PCLO: variants seen among roughly 807,000 people sequenced by gnomAD.
The protein encoded by PCLO is piccolo presynaptic cytomatrix protein, also known as protein piccolo.
Under a neutral mutation model 427.5 loss-of-function variants are expected in PCLO, and 82 were observed. The ratio of observed to expected loss-of-function variants is 0.19; its 90% CI spans 0.16 to 0.23. The LOEUF is 0.23. Ranked by LOEUF, PCLO falls within the 10% of genes least tolerant of loss-of-function variation. PCLO has a pLI of 1.00. For synonymous variants in PCLO, 2,357 were observed against 2,155.4 expected, an observed-to-expected ratio of 1.09 and a Z score of -2.59; for missense variants, 6,239 against 6,115.9, an observed-to-expected ratio of 1.02 and a Z score of -0.67.
At chr7:83,019,282 C>T (rs375540325) in intron 3 of PCLO, among the ~76,000 whole-genome samples, 19 of 151,664 alleles carry the variant, frequency 1.3e-4, no homozygotes, top group Non-Finnish European at 2.4e-4. Flanking sequence ...AAATCTTTTG[C>T]GGGGTAGAGT....
intron 2 of PCLO, among the ~76,000 whole-genome samples, chr7:83,153,175 T>C (rs1162461869): frequency 6.7e-6 from 1 of 150,170 alleles, no homozygotes; most frequent in Non-Finnish European, 1.5e-5. Context: ...TATATGTATA[T>C]ATAAAAACAT....
chr7:82,827,048 CA>C, intron 17 of PCLO, among the ~76,000 whole-genome samples: 1 of 151,958 alleles, frequency 6.6e-6, no homozygotes, highest in East Asian at 1.9e-4. Context: ...CAGCAATTTC[CA>C]AAAAACTTAG....
chr7:83,028,193 T>C (rs949824500), intron 3 of PCLO, among the ~76,000 whole-genome samples: 2 of 152,066 alleles, frequency 1.3e-5, no homozygotes, highest in Non-Finnish European at 2.9e-5. Context: ...GACATGATTG[T>C]ATATCTAGAA....
At chr7:82,801,958 A>G (rs886333111) in intron 21 of PCLO, among the ~76,000 whole-genome samples, 1 of 152,058 alleles carries the variant, frequency 6.6e-6, no homozygotes, top group African/African-American at 2.4e-5. Flanking sequence ...AAGGGGCTTT[A>G]TATTTTTATA....
At chr7:83,159,581 C>T (rs1792383331) in intron 1 of PCLO, among the ~76,000 whole-genome samples, 1 of 151,886 alleles carries the variant, frequency 6.6e-6, no homozygotes, top group Non-Finnish European at 1.5e-5. Context: ...CTATTGTCAT[C>T]CTTGGATTAG....
At chr7:83,089,666 T>A (rs1319697306) in intron 3 of PCLO, among the ~76,000 whole-genome samples, 1 of 152,168 alleles carries the variant, frequency 6.6e-6, no homozygotes, top group Non-Finnish European at 1.5e-5. Context: ...AAAGAAGAAT[T>A]TGATATGGTT....
rs765266601 is a variant in PCLO at position 83,134,874 on chromosome 7, A to C, written c.2676T>G (p.Pro892=). The C allele has an allele frequency of 6.2e-6, 10 of 1,605,760 alleles. No individual in the cohort carries two copies. The African/African-American group carries it at 1.3e-4, about 22-fold the overall frequency. Residue 892 remains proline (P), a synonymous_variant, in exon 3 of 25, where the codon CCT becomes CCG. Coordinates refer to ENST00000333891, the MANE Select transcript of PCLO (RefSeq NM_033026.6). ...RPTAGQTVPT[P]QQSPKPQEQS... is the part of the protein sequence containing the mutation. ...GCTCCTGAGGCTTTGGGGACTGTTG[A>C]GGTGTGGGGACAGTTTGGCCAGCGG... is the stretch of plus-strand genomic sequence containing the variant.
chr7:83,010,735 T>C (rs1788057281), intron 3 of PCLO, among the ~76,000 whole-genome samples: 1 of 151,844 alleles, frequency 6.6e-6, no homozygotes, highest in African/African-American at 2.4e-5. Context: ...ATCACCTTAG[T>C]GATATTTCCA....
At chr7:83,125,309 G>C (rs911589183) in intron 3 of PCLO, among the ~76,000 whole-genome samples, 11 of 152,034 alleles carry the variant, frequency 7.2e-5, no homozygotes, top group Non-Finnish European at 1.3e-4. Flanking sequence ...TCTGGAAGGT[G>C]GGGGGCACCC....
chr7:82,956,662 T>C lies in PCLO; in HGVS notation c.4291A>G (p.Lys1431Glu), dbSNP rs755205600. Residue 1431 changes from lysine (K) to glutamate (E), a missense_variant, in exon 5 of 25, where the codon AAG becomes GAG. Transcript: ENST00000333891. Reference protein sequence around the residue: ...EAQASTLADEKSEKKTQPHEV... With the variant: ...EAQASTLADEESEKKTQPHEV... ...TGGGGTTGTGTTTTCTTTTCTGACT[T>C]TTCATCAGCAAGTGTACTTGCTTGA... The C allele has an allele frequency of 1.9e-6, 3 of 1,613,928 alleles. No individual in the cohort carries two copies. The Admixed American group carries it at 5.0e-5, about 27-fold the overall frequency.
chr7:82,768,532 T>A (rs62466888), intron 22 of PCLO, among the ~76,000 whole-genome samples: 2,544 of 152,262 alleles, frequency 0.017, 34 homozygotes, highest in Middle Eastern at 0.034. Flanking sequence ...CTAAAATATT[T>A]ATTGAAATTA....
intron 3 of PCLO, among the ~76,000 whole-genome samples, chr7:82,981,704 A>G (rs1796150178): frequency 6.6e-6 from 1 of 152,116 alleles, no homozygotes; most frequent in Admixed American, 6.6e-5. Context: ...ATGTGCCTAT[A>G]CTTAAAAAAA....
At chr7:82,776,436 T>C (rs1027320659) in intron 22 of PCLO, among the ~76,000 whole-genome samples, 2 of 151,326 alleles carry the variant, frequency 1.3e-5, no homozygotes, top group Admixed American at 6.6e-5. Flanking sequence ...CTACTAAAAA[T>C]ACAAAAATTG....
At chr7:83,073,175 T>G (rs904387177) in intron 3 of PCLO, among the ~76,000 whole-genome samples, 1 of 152,018 alleles carries the variant, frequency 6.6e-6, no homozygotes, top group Non-Finnish European at 1.5e-5. Context: ...CATTCTCACC[T>G]ATAGTATATA....
Position 82,915,737 on chromosome 7 carries a change from A to C in PCLO, c.12249T>G (p.Thr4083=), listed in dbSNP as rs771012377. 8 of 1,612,052 alleles carry C rather than the reference A, an allele frequency of 5.0e-6. No homozygotes were observed. The highest frequency in any genetic ancestry group is 5.9e-6 in the Non-Finnish European group (7 of 1,179,026). ...LSKTDRLLRT[T]ETRRSQEVTD... ...TCACTTCTTGAGACCGGCGTGTCTC[A>C]GTGGTTCGAAGGAGACGGTCTGTTT... Residue 4083 remains threonine, a synonymous_variant, in exon 7 of 25, where the codon ACT becomes ACG. Transcript: ENST00000333891.
At chr7:82,891,324 C>T (rs1793759983) in intron 9 of PCLO, among the ~76,000 whole-genome samples, 1 of 152,034 alleles carries the variant, frequency 6.6e-6, no homozygotes, top group African/African-American at 2.4e-5. Context: ...GCAATGAAGG[C>T]AAGGAGAGGT....
intron 3 of PCLO, among the ~76,000 whole-genome samples, chr7:83,043,870 GC>G (rs2116223850): frequency 7.1e-6 from 1 of 140,536 alleles, no homozygotes; most frequent in East Asian, 2.3e-4. Flanking sequence ...TTCATAAGAA[GC>G]AAAAAAGAGA....
At chr7:83,057,119 T>C (rs1789399506) in intron 3 of PCLO, among the ~76,000 whole-genome samples, 1 of 149,794 alleles carries the variant, frequency 6.7e-6, no homozygotes, top group Non-Finnish European at 1.5e-5. Flanking sequence ...AGACTCACTC[T>C]GTCACCGAGG....
At chr7:83,154,588 TA>T (rs199877969) in intron 2 of PCLO, among the ~76,000 whole-genome samples, 159 bp downstream of exon 2, 20 of 151,460 alleles carry the variant, frequency 1.3e-4, no homozygotes, top group South Asian at 2.1e-4. Flanking sequence ...AGAGAAATGT[TA>T]AAAAAAAATT....
Sources: gnomAD v4.1 joint callset for allele counts (sites outside exome capture counted in the v4.1 genomes callset) on GRCh38, gnomAD v4.1.1 for gene constraint, MANE v1.5 for transcripts, NCBI Gene and HGNC (gene_info 2026-07-23, HGNC 2026-07-21) for gene names.